The following EIF3A variants were observed in gnomAD, a reference collection of about 807,000 sequenced individuals.
EIF3A encodes eukaryotic translation initiation factor 3 subunit A, also known as EIF3, p180 subunit.
EIF3A carries 21 observed loss-of-function variants against 186.6 expected under a neutral mutation model. The ratio of observed to expected loss-of-function variants is 0.11; its 90% CI spans 0.08 to 0.16. The LOEUF is 0.16. Ranked by LOEUF, EIF3A falls within the 10% of genes least tolerant of loss-of-function variation. The probability of loss-of-function intolerance (pLI) is 1.00; values close to 1 mark genes in which losing one functional copy is unlikely to be tolerated. For missense variants in EIF3A, 1,306 were observed against 1,796.3 expected (o/e 0.73, Z 4.93); for synonymous variants, 563 against 584.3 (o/e 0.96, Z 0.52).
chr10:119,072,996 A>G lies in EIF3A; in HGVS notation c.435T>C (p.Leu145=). The change falls in exon 4 of 22, where the codon CTT becomes CTC. Residue 145 remains leucine, a synonymous_variant. Transcript: ENST00000369144. ...EDTQDRTDRL[L]LTPWVKFLWE... is the part of the protein sequence containing the mutation. ...ACAGGAATTTAACCCATGGAGTTAA[A>G]AGTAATCTGTCAGTACGATCCTGAG... 6.2e-7 allele frequency: 1 copy of G among 1,614,182 alleles called. No homozygotes were observed. The highest frequency in any genetic ancestry group is 8.5e-7 in the Non-Finnish European group (1 of 1,180,014).
rs368386478 is a variant in EIF3A at position 119,074,737 on chromosome 10, C to T, written c.50-800G>A. On this transcript the variant is annotated intron_variant, in intron 1 of 21. Transcript: ENST00000369144. ...TCACTTGAGGTTGGGAGTTCAAGAC[C>T]AGCCTAACCAAAATGGAGAAACCAA... Among the ~76,000 whole-genome samples, 25 of 150,980 alleles carry T rather than the reference C, an allele frequency of 1.7e-4. No homozygotes were observed. In the East Asian group the frequency reaches 2.6e-3, roughly 15 times the overall value.
At chr10:119,065,256 A>G (rs1005864904) in intron 7 of EIF3A, 143 bp downstream of exon 7, 11 of 624,110 alleles carry the variant, frequency 1.8e-5, no homozygotes, top group Non-Finnish European at 2.8e-5. Flanking sequence ...TCAAGTGAAC[A>G]GTGATTGACA....
intron 14 of EIF3A, among the ~76,000 whole-genome samples, chr10:119,052,300 C>T (rs1359658928): frequency 1.3e-5 from 2 of 151,994 alleles, no homozygotes; most frequent in Non-Finnish European, 1.5e-5. Flanking sequence ...CAACTCCTCA[C>T]CCATCCAAGC....
intron 5 of EIF3A, among the ~76,000 whole-genome samples, chr10:119,069,884 G>A (rs1844043659): frequency 6.6e-6 from 1 of 151,688 alleles, no homozygotes; most frequent in South Asian, 2.1e-4. Context: ...AGTAGACAGA[G>A]CAGACTCAAG....
chr10:119,048,498 G>T (rs1848311183), intron 17 of EIF3A, among the ~76,000 whole-genome samples: 1 of 152,120 alleles, frequency 6.6e-6, no homozygotes, highest in South Asian at 2.1e-4. Context: ...AGCTGAGTTT[G>T]AATCACCTAG....
intron 1 of EIF3A, among the ~76,000 whole-genome samples, chr10:119,075,625 G>GA (rs1380827569): frequency 7.9e-6 from 1 of 126,884 alleles, no homozygotes; most frequent in Admixed American, 9.0e-5. Flanking sequence ...AAAAAAAGGG[G>GA]GGGAGCTTAA....
At chr10:119,039,135 C>G (rs1848174898) in intron 19 of EIF3A, among the ~76,000 whole-genome samples, 2 of 152,040 alleles carry the variant, frequency 1.3e-5, no homozygotes, top group South Asian at 2.1e-4. Flanking sequence ...GTATTTATAC[C>G]TTGCAACGTT....
In EIF3A at chr10:119,042,487, A is replaced by G. The variant is rs775788376; in HGVS notation, c.3033T>C (p.His1011=). The change falls in exon 19 of 22, where the codon CAT becomes CAC. Residue 1011 remains histidine (H), a synonymous_variant. Transcript: ENST00000369144. The surrounding 1 kb of genome is among the most constrained non-coding windows in gnomAD (Gnocchi z 7.8). The part of the protein sequence containing the change: ...IADEDRGNWR[H]ADDDRPPRRG... ...GTCTAGGTGGTCTGTCATCATCCGC[A>G]TGACGCCAGTTTCCCCTGTCTTCAT... 2 of 1,613,682 alleles carry G rather than the reference A, an allele frequency of 1.2e-6. No individual in the cohort carries two copies. Among genetic ancestry groups the G allele is most frequent in the Non-Finnish European group, 1.7e-6 (2 of 1,179,976 alleles).
rs762527790 is a variant in EIF3A at position 119,065,435 on chromosome 10, T to C, written c.1086A>G (p.Gln362=). ...TAAGGCCAATTCGTGTCGGTGGGGC[T>C]TGAAGACCTAGTAGTGTTGCAAGGC... ...QRRLATLLGL[Q]APPTRIGLIN... is the part of the protein sequence containing the mutation. The change falls in exon 7 of 22, where the codon CAA becomes CAG. Residue 362 remains glutamine, a synonymous_variant. Coordinates refer to ENST00000369144, the MANE Select transcript of EIF3A (RefSeq NM_003750.4). 3 of 1,613,702 alleles carry C rather than the reference T, an allele frequency of 1.9e-6. No homozygotes were observed. The highest frequency in any genetic ancestry group is 2.2e-5 in the East Asian group (1 of 44,900).
intron 6 of EIF3A, among the ~76,000 whole-genome samples, chr10:119,067,458 G>A (rs183165874): frequency 8.5e-5 from 13 of 152,270 alleles, no homozygotes; most frequent in East Asian, 3.9e-4. Flanking sequence ...GGACGTGGTC[G>A]CGCTCGCCTG....
intron 17 of EIF3A, 35 bp downstream of exon 17, chr10:119,049,766 T>C (rs1564751608): frequency 6.4e-7 from 1 of 1,574,376 alleles, no homozygotes; most frequent in African/African-American, 1.4e-5. Context: ...AAAGTCACAT[T>C]AAAACAAAAT....
At position 119,034,846 on chromosome 10, in the gene EIF3A, G is replaced by A. The variant is rs564469754; in HGVS notation, c.*1193C>T. On this transcript the variant is annotated 3_prime_UTR_variant, in exon 22 of 22. Transcript: ENST00000369144. ...GTTACAAGGAAACTAAGGAATTCCT[G>A]CATTAACAAAGGAAGACATGTTAGG... 6.6e-6 allele frequency: 1 copy of A among 152,294 alleles called. No individual in the cohort carries two copies. The highest frequency in any genetic ancestry group is 2.1e-4 in the South Asian group (1 of 4,820). 9.4% of individuals were successfully genotyped at this position (152,294 alleles called of 1,614,324 possible). A position where few individuals can be genotyped will look rare whatever the true frequency, so the allele number is the denominator to read the frequency against.
Position 119,044,352 on chromosome 10 carries a change from C to G in EIF3A, c.2659-210G>C, listed in dbSNP as rs138249872. Reference sequence around the variant, plus strand: ...CATATATTGTAGGTGGCCTTACAAACCGATATAACACTGTGCTGGAAAGCA... The same window carrying G: ...CATATATTGTAGGTGGCCTTACAAAGCGATATAACACTGTGCTGGAAAGCA... On this transcript the variant is annotated intron_variant, in intron 17 of 21. Coordinates refer to ENST00000369144, the MANE Select transcript of EIF3A (RefSeq NM_003750.4). Among the ~76,000 whole-genome samples, 469 of 152,280 alleles carry G rather than the reference C, an allele frequency of 3.1e-3. 4 individuals are homozygous for G. Among genetic ancestry groups the G allele is most frequent in the African/African-American group, 0.011 (455 of 41,562 alleles).
chr10:119,043,920 A>G, intron 18 of EIF3A, 134 bp downstream of exon 18: 1 of 698,064 alleles, frequency 1.4e-6, no homozygotes, highest in Non-Finnish European at 2.5e-6. Flanking sequence ...ATACAAACCC[A>G]CACGCAATCA....
In EIF3A at chr10:119,069,469, A is replaced by G. The variant is rs919947660; in HGVS notation, c.927T>C (p.Asn309=). Residue 309 remains asparagine, a synonymous_variant, in exon 6 of 22, where the codon AAT becomes AAC. Transcript: ENST00000369144. ...ACCTTTGCATCTCATCTTGTGTGAGATTCTTTCTCATTTCTCTAGAGAGAT... is the reference window on the plus strand; with the variant it reads ...ACCTTTGCATCTCATCTTGTGTGAGGTTCTTTCTCATTTCTCTAGAGAGAT... ...LYHLSREMRK[N]LTQDEMQRMS... is the part of the protein sequence containing the mutation. 1.3e-6 allele frequency: 2 copies of G among 1,522,114 alleles called. No homozygotes were observed. The highest frequency in any genetic ancestry group is 1.7e-4 in the Middle Eastern group (1 of 5,896). The allele number at this position is 1,522,114 out of a possible 1,614,324, so 94.3% of individuals were successfully genotyped here.
chr10:119,039,610 C>T (rs936430711), intron 19 of EIF3A, among the ~76,000 whole-genome samples: 4 of 152,200 alleles, frequency 2.6e-5, no homozygotes, highest in Admixed American at 2.0e-4. Context: ...GCAGAGGTTG[C>T]GGTGATCTGA....
intron 6 of EIF3A, among the ~76,000 whole-genome samples, chr10:119,068,181 A>C (rs747111613): frequency 1.3e-5 from 2 of 152,150 alleles, no homozygotes; most frequent in Non-Finnish European, 2.9e-5. Context: ...AAAATGGAAG[A>C]CTATGCCTTC....
chr10:119,056,872 C>A lies in EIF3A; in HGVS notation c.2083-19G>T, dbSNP rs1417829267. ...AGTCAATCTGAATGACACGAAAACA[C>A]ACGTAGTTTTAAAAAATCTCTCTTA... is the stretch of plus-strand genomic sequence containing the variant. On this transcript the variant is annotated intron_variant, in intron 13 of 21. Coordinates refer to ENST00000369144, the MANE Select transcript of EIF3A (RefSeq NM_003750.4). 1.9e-6 allele frequency: 3 copies of A among 1,596,942 alleles called. No individual in the cohort carries two copies. The highest frequency in any genetic ancestry group is 1.3e-5 in the African/African-American group (1 of 74,642).
intron 7 of EIF3A, among the ~76,000 whole-genome samples, chr10:119,063,244 T>C (rs1239820682): frequency 6.6e-6 from 1 of 152,132 alleles, no homozygotes; most frequent in African/African-American, 2.4e-5. Context: ...TTGAACTCTG[T>C]GGGCAGTGGC....
Sources: gnomAD v4.1 joint callset for allele counts (sites outside exome capture counted in the v4.1 genomes callset) on GRCh38, gnomAD v4.1.1 for gene constraint, Gnocchi (gnomAD v3.1) non-coding constraint, MANE v1.5 for transcripts, NCBI Gene and HGNC (gene_info 2026-07-23, HGNC 2026-07-21) for gene names.